Variants in FMN2 observed in about 807,000 individuals in gnomAD.
FMN2 encodes formin 2.
Under a neutral mutation model 142.3 loss-of-function variants are expected in FMN2, and 51 were observed. The ratio of observed to expected loss-of-function variants is 0.36; its 90% confidence interval spans 0.29 to 0.45. The LOEUF is 0.45. Among genes scored for constraint, FMN2 ranks in the 20% least tolerant of loss-of-function variants. The pLI, the probability that FMN2 is intolerant of heterozygous loss-of-function variation, is 1.00. For missense variants in FMN2, 1,936 were observed against 2,122.8 expected (o/e 0.91, Z 1.73); for synonymous variants, 882 against 869.8 (o/e 1.01, Z -0.25).
chr1:240,168,269 T>C (rs1002974239), intron 2 of FMN2, among the ~76,000 whole-genome samples: 3 of 152,044 alleles, frequency 2.0e-5, no homozygotes, highest in African/African-American at 7.2e-5. Flanking sequence ...AGTCATCTTA[T>C]AAATGGTTCA....
chr1:240,117,172 G>A (rs950079862), intron 1 of FMN2, among the ~76,000 whole-genome samples: 1 of 152,212 alleles, frequency 6.6e-6, no homozygotes, highest in Non-Finnish European at 1.5e-5. Context: ...GAAGACAAGT[G>A]TGAGCATTTT....
chr1:240,222,017 T>A (rs1163569635), intron 6 of FMN2, among the ~76,000 whole-genome samples: 1 of 149,526 alleles, frequency 6.7e-6, no homozygotes, highest in Non-Finnish European at 1.5e-5. Context: ...CCAGCTAATT[T>A]TTTTTTTTTT....
chr1:240,387,065 T>G (rs1207727452), intron 14 of FMN2, among the ~76,000 whole-genome samples: 2 of 152,228 alleles, frequency 1.3e-5, no homozygotes, highest in Non-Finnish European at 2.9e-5. Flanking sequence ...TCAACTTCCC[T>G]AAGGAGCTGC....
chr1:240,436,784 A>G (rs183794673), intron 15 of FMN2, among the ~76,000 whole-genome samples: 68 of 152,284 alleles, frequency 4.5e-4, no homozygotes, highest in African/African-American at 1.5e-3. Context: ...GTAAGTGTAT[A>G]TGTTAGGGTA....
chr1:240,287,966 T>TGG (rs1400019260), intron 7 of FMN2, among the ~76,000 whole-genome samples: 20 of 152,338 alleles, frequency 1.3e-4, no homozygotes, highest in African/African-American at 4.3e-4. Flanking sequence ...CTTTGTGTTC[T>TGG]GTATTTTTGA....
intron 4 of FMN2, among the ~76,000 whole-genome samples, 171 bp downstream of exon 4, chr1:240,188,433 T>C (rs1224666961): frequency 6.6e-6 from 1 of 152,202 alleles, no homozygotes; most frequent in Non-Finnish European, 1.5e-5. Context: ...CTTCCATTTA[T>C]TTTTTGCATA....
intron 2 of FMN2, among the ~76,000 whole-genome samples, chr1:240,172,210 A>ACC (rs1448520458): frequency 4.0e-5 from 6 of 151,208 alleles, no homozygotes; most frequent in African/African-American, 1.5e-4. Flanking sequence ...ATACACACAC[A>ACC]CACACACAGA....
At chr1:240,196,833 C>T (rs1041580287) in intron 4 of FMN2, among the ~76,000 whole-genome samples, 1 of 152,088 alleles carries the variant, frequency 6.6e-6, no homozygotes, top group African/African-American at 2.4e-5. Flanking sequence ...GCTTAAGAGA[C>T]AATGAATTAG....
chr1:240,351,629 A>G (rs1034047278), intron 13 of FMN2, among the ~76,000 whole-genome samples: 1 of 152,260 alleles, frequency 6.6e-6, no homozygotes. Context: ...GAAAATTATT[A>G]TAGCATGCAT....
intron 16 of FMN2, among the ~76,000 whole-genome samples, chr1:240,444,630 C>T (rs1406651950): frequency 3.3e-5 from 5 of 152,172 alleles, no homozygotes; most frequent in African/African-American, 4.8e-5. Flanking sequence ...GTGGCAGTCA[C>T]GTCTTGTTTC....
intron 4 of FMN2, among the ~76,000 whole-genome samples, chr1:240,192,571 A>C (rs942066287): frequency 6.6e-6 from 1 of 152,202 alleles, no homozygotes; most frequent in Non-Finnish European, 1.5e-5. Context: ...AGTAAGAAAT[A>C]CAAGTCTTAA....
chr1:240,360,029 T>C (rs187623078), intron 14 of FMN2, among the ~76,000 whole-genome samples: 1 of 152,322 alleles, frequency 6.6e-6, no homozygotes, highest in East Asian at 1.9e-4. Context: ...CACCACAATA[T>C]TGAGCAGCTG....
intron 7 of FMN2, among the ~76,000 whole-genome samples, chr1:240,266,185 T>TC (rs1553352834): frequency 6.6e-6 from 1 of 151,306 alleles, no homozygotes. Context: ...TCTTTGTCCC[T>TC]TTCTCCCCCA....
intron 8 of FMN2, among the ~76,000 whole-genome samples, chr1:240,317,282 C>T (rs1670818631): frequency 2.0e-5 from 3 of 150,418 alleles, no homozygotes; most frequent in Non-Finnish European, 4.4e-5. Flanking sequence ...TGCCACTGCA[C>T]TCCAGCCTGG....
chr1:240,215,494 G>A (rs1336995672), intron 6 of FMN2, among the ~76,000 whole-genome samples: 2 of 152,124 alleles, frequency 1.3e-5, no homozygotes, highest in Admixed American at 6.6e-5. Flanking sequence ...TCCTAATTAA[G>A]TGATAATTAT....
At chr1:240,435,150 C>T (rs1291340220) in intron 15 of FMN2, among the ~76,000 whole-genome samples, 1 of 150,710 alleles carries the variant, frequency 6.6e-6, no homozygotes, top group Non-Finnish European at 1.5e-5. Context: ...AAAATTTTTG[C>T]CTCTTATAAA....
intron 7 of FMN2, among the ~76,000 whole-genome samples, chr1:240,281,688 C>T (rs1347424236): frequency 2.6e-5 from 4 of 152,122 alleles, no homozygotes; most frequent in African/African-American, 4.8e-5. Flanking sequence ...CTTTCAATGT[C>T]GTACCATTTA....
intron 1 of FMN2, among the ~76,000 whole-genome samples, chr1:240,099,344 T>C (rs1296145744): frequency 8.5e-5 from 13 of 152,190 alleles, no homozygotes. Context: ...TTATGTATTA[T>C]TTTTTCTTTT....
At chr1:240,344,936 C>G (rs537367288) in intron 13 of FMN2, among the ~76,000 whole-genome samples, 65 of 152,282 alleles carry the variant, frequency 4.3e-4, no homozygotes, top group African/African-American at 1.4e-3. Context: ...GATTCTGTTT[C>G]TTTCAGGGAC....
Sources: gnomAD v4.1 joint callset for allele counts (sites outside exome capture counted in the v4.1 genomes callset) on GRCh38, gnomAD v4.1.1 for gene constraint, MANE v1.5 for transcripts, NCBI Gene and HGNC (gene_info 2026-07-23, HGNC 2026-07-21) for gene names.